The following CLIP2 variants were observed in gnomAD, a reference collection of about 807,000 sequenced individuals.
The protein encoded by CLIP2 is CAP-Gly domain containing linker protein 2.
Under a neutral mutation model 111.7 loss-of-function variants are expected in CLIP2, and 41 were observed. The observed-to-expected ratio is 0.37, with a 90% CI of 0.29 to 0.48. CLIP2 has a LOEUF of 0.48. Among genes scored for constraint, CLIP2 ranks in the 20% least tolerant of loss-of-function variants. The probability of loss-of-function intolerance (pLI) is 0.99; values close to 1 mark genes in which losing one functional copy is unlikely to be tolerated. For synonymous variants in CLIP2, 660 were observed against 644.2 expected (o/e 1.02, Z -0.37); for missense variants, 1,160 against 1,422.1 (o/e 0.82, Z 2.96).
chr7:74,389,083 T>C lies in CLIP2; in HGVS notation c.2564-20T>C, dbSNP rs1554315321. On this transcript the variant is annotated intron_variant, in intron 12 of 16. Coordinates refer to ENST00000223398, the MANE Select transcript of CLIP2 (RefSeq NM_003388.5). ...CGTGTTCCCAATCCTCTTCCTCCCT[T>C]CCCTGCCGGCTGACCCCAGCGCTGG... The C allele has an allele frequency of 1.3e-6, 2 of 1,591,874 alleles. No homozygotes were observed. The highest frequency in any genetic ancestry group is 2.2e-5 in the East Asian group (1 of 44,550).
At chr7:74,336,891 T>TTTTTTTTTTTG (rs1789487878) in intron 2 of CLIP2, among the ~76,000 whole-genome samples, 2 of 1,018 alleles carry the variant, frequency 2.0e-3, no homozygotes, top group Non-Finnish European at 1.5e-3. Flanking sequence ...TTTTGTTTTG[T>TTTTTTTTTTTG]TTTTTTTTTT....
intron 11 of CLIP2, among the ~76,000 whole-genome samples, chr7:74,385,457 C>A (rs572299199): frequency 6.7e-6 from 1 of 148,420 alleles, no homozygotes; most frequent in Non-Finnish European, 1.5e-5. Flanking sequence ...ACAATGATAA[C>A]CTGTCTCAAA....
chr7:74,377,129 T>C (rs1361449558), intron 10 of CLIP2, among the ~76,000 whole-genome samples: 1 of 152,050 alleles, frequency 6.6e-6, no homozygotes, highest in Non-Finnish European at 1.5e-5. Context: ...GATTTACCCA[T>C]ACATGTCTTA....
At chr7:74,292,472 C>A (rs782015303) in intron 1 of CLIP2, among the ~76,000 whole-genome samples, 1 of 152,166 alleles carries the variant, frequency 6.6e-6, no homozygotes, top group African/African-American at 2.4e-5. Context: ...CTGCAACCTC[C>A]ACCTCCCAGA....
intron 13 of CLIP2, among the ~76,000 whole-genome samples, chr7:74,390,171 AAGAAAGAAAGAAAGAAAGAAAG>A (rs1791247239): frequency 2.8e-5 from 1 of 35,800 alleles, no homozygotes; most frequent in African/African-American, 7.0e-5. Context: ...AGAAGAAAGA[AAGAAAGAAAGAAAGAAAGAAAG>A]AAAGAAAGAA....
chr7:74,317,500 G>A lies in CLIP2; in HGVS notation c.-47G>A. The A allele has an allele frequency of 7.4e-7, 1 of 1,352,642 alleles. No individual in the cohort carries two copies. The highest frequency in any genetic ancestry group is 9.6e-7 in the Non-Finnish European group (1 of 1,043,288). The allele number at this position is 1,352,642 out of a possible 1,614,324, so 83.8% of individuals were successfully genotyped here. A position where few individuals can be genotyped will look rare whatever the true frequency, so the allele number is the denominator to read the frequency against. On this transcript the variant is annotated 5_prime_UTR_variant, in exon 2 of 17. Coordinates refer to ENST00000223398, the MANE Select transcript of CLIP2 (RefSeq NM_003388.5). The stretch of plus-strand genomic sequence containing the variant: ...CGCAGGTGAGTGAAGATGGCAGAGA[G>A]GACGTGACCAGCACTCACCCTTGTC...
chr7:74,352,556 T>TACTA (rs1183089263), intron 3 of CLIP2, among the ~76,000 whole-genome samples: 1 of 152,008 alleles, frequency 6.6e-6, no homozygotes, highest in Non-Finnish European at 1.5e-5. Context: ...CATCTATGAG[T>TACTA]ACTATCTACT....
At chr7:74,354,142 C>A in intron 4 of CLIP2, 138 bp downstream of exon 4, 1 of 1,092,024 alleles carries the variant, frequency 9.2e-7, no homozygotes, top group Non-Finnish European at 1.3e-6. Context: ...CCCATTCCCT[C>A]CTTCCCAACA....
intron 2 of CLIP2, among the ~76,000 whole-genome samples, chr7:74,326,672 T>C (rs1789118162): frequency 6.6e-6 from 1 of 151,604 alleles, no homozygotes; most frequent in Non-Finnish European, 1.5e-5. Context: ...AATCTCTCTC[T>C]TTCACCCCGG....
At chr7:74,359,350 CTT>C (rs55946789) in intron 6 of CLIP2, among the ~76,000 whole-genome samples, 2 of 91,820 alleles carry the variant, frequency 2.2e-5, no homozygotes, top group African/African-American at 3.9e-5. Flanking sequence ...TTTCAGGTTT[CTT>C]TTTTTTTTTT....
At position 74,302,868 on chromosome 7, in the gene CLIP2, C is replaced by T. The variant is rs1309008028; in HGVS notation, c.-68+13134C>T. The stretch of plus-strand genomic sequence containing the variant: ...CAGCTGTCCCCACTATCTGGATGGC[C>T]GCCAGGCCAATGGGTGCTCTCAGGG... On this transcript the variant is annotated intron_variant, in intron 1 of 16. Transcript: ENST00000223398. Among the ~76,000 whole-genome samples, 5 of 152,336 alleles carry T rather than the reference C, an allele frequency of 3.3e-5. No individual in the cohort carries two copies. In the East Asian group the frequency reaches 5.8e-4, roughly 18 times the overall value.
intron 11 of CLIP2, among the ~76,000 whole-genome samples, chr7:74,386,034 G>A (rs1370784129): frequency 3.4e-5 from 5 of 144,982 alleles, no homozygotes; most frequent in South Asian, 2.2e-4. Flanking sequence ...GAGCCACCTC[G>A]CCCAGCCTCT....
chr7:74,308,057 C>T (rs1252277983), intron 1 of CLIP2, among the ~76,000 whole-genome samples: 1 of 152,164 alleles, frequency 6.6e-6, no homozygotes, highest in African/African-American at 2.4e-5. Flanking sequence ...GAACAGCATA[C>T]TCTCTCCTCC....
At chr7:74,386,690 G>A in intron 12 of CLIP2, 86 bp downstream of exon 12, 1 of 1,111,552 alleles carries the variant, frequency 9.0e-7, no homozygotes, top group Non-Finnish European at 1.3e-6. Flanking sequence ...GAGTGGGTCA[G>A]GGCCTGGCTT....
intron 1 of CLIP2, among the ~76,000 whole-genome samples, chr7:74,302,046 G>T (rs1005752389): frequency 6.6e-6 from 1 of 151,976 alleles, no homozygotes; most frequent in Admixed American, 6.6e-5. Flanking sequence ...TGGATGTGTG[G>T]GTTATTTTCA....
chr7:74,389,040 G>T, intron 12 of CLIP2, 63 bp from the exon 13 acceptor site: 16 of 1,537,282 alleles, frequency 1.0e-5, no homozygotes, highest in Non-Finnish European at 1.4e-5. Flanking sequence ...CTTTGCCCTT[G>T]GGTGGGACAG....
At chr7:74,318,248 G>A (rs183761884) in intron 2 of CLIP2, among the ~76,000 whole-genome samples, 5 of 152,214 alleles carry the variant, frequency 3.3e-5, no homozygotes, top group South Asian at 2.1e-4. Context: ...GGGAGAGAGC[G>A]TGGGGGTGGC....
intron 8 of CLIP2, among the ~76,000 whole-genome samples, chr7:74,371,687 G>A (rs374806652): frequency 8.6e-5 from 12 of 140,064 alleles, no homozygotes; most frequent in Non-Finnish European, 1.4e-4. Context: ...AGAGAGACGG[G>A]GGGGAGAAAG....
Position 74,317,638 on chromosome 7 carries a change from C to A in CLIP2, c.92C>A (p.Ser31Ter). ...ACATCTACTGGGTCAGCTTCATCCT[C>A]GGCGGCGGTGGCCGCTAGCTCCAAG... ...GRTSTGSASS[S>*]AAVAASSKEG... Residue 31 changes from serine to a stop codon, truncating the protein, a stop_gained, in exon 2 of 17, where the codon TCG (serine) becomes TAG (stop). Coordinates refer to ENST00000223398, the MANE Select transcript of CLIP2 (RefSeq NM_003388.5). LOFTEE classifies it high-confidence loss of function. 1 of 1,517,808 alleles carries A rather than the reference C, an allele frequency of 6.6e-7. No homozygotes were observed. Among genetic ancestry groups the A allele is most frequent in the Non-Finnish European group, 8.9e-7 (1 of 1,126,640 alleles). 94.0% of individuals were successfully genotyped at this position (1,517,808 alleles called of 1,614,324 possible).
Sources: gnomAD v4.1 joint callset for allele counts (sites outside exome capture counted in the v4.1 genomes callset) on GRCh38, gnomAD v4.1.1 for gene constraint, MANE v1.5 for transcripts, NCBI Gene and HGNC (gene_info 2026-07-23, HGNC 2026-07-21) for gene names.